Variants in PROSER1 observed in about 807,000 individuals in gnomAD.
PROSER1 encodes the protein proline and serine rich 1, also known as proline and serine-rich protein 1.
PROSER1 carries 36 observed loss-of-function variants against 71.8 expected under a neutral mutation model. The observed-to-expected ratio is 0.50, with a 90% confidence interval of 0.38 to 0.66. The LOEUF is 0.66. Among genes scored for constraint, PROSER1 ranks in the 30% least tolerant of loss-of-function variants. PROSER1 has a pLI of 0.00. For missense variants in PROSER1, 1,107 were observed against 1,135.0 expected, an observed-to-expected ratio of 0.98 and a Z score of 0.35; for synonymous variants, 490 against 452.4, an observed-to-expected ratio of 1.08 and a Z score of -1.06.
intron 10 of PROSER1, among the ~76,000 whole-genome samples, chr13:39,017,255 T>C (rs1240120833): frequency 1.3e-5 from 2 of 152,238 alleles, no homozygotes; most frequent in Non-Finnish European, 2.9e-5. Flanking sequence ...TACATTACAC[T>C]GCAAGTTTTG....
Position 39,021,110 on chromosome 13 carries a change from T to C in PROSER1, c.730+1216A>G, listed in dbSNP as rs190913572. Among the ~76,000 whole-genome samples the C allele has an allele frequency of 2.1e-3, 313 of 152,322 alleles. 3 individuals carry two copies. Among genetic ancestry groups the C allele is most frequent in the African/African-American group, 7.4e-3 (307 of 41,570 alleles). On this transcript the variant is annotated intron_variant, in intron 9 of 12. Coordinates refer to ENST00000352251, the MANE Select transcript of PROSER1 (RefSeq NM_025138.5). The stretch of plus-strand genomic sequence containing the variant: ...TAAATGGGGAGACAATCATGCCAAC[T>C]GGCCGTGGAACTTAGGCTACAGTGG...
chr13:39,035,436 C>A (rs1299510022), intron 1 of PROSER1, among the ~76,000 whole-genome samples: 1 of 152,154 alleles, frequency 6.6e-6, no homozygotes, highest in Admixed American at 6.6e-5. Flanking sequence ...TGATAGTTAA[C>A]CTCACAGAGA....
At position 39,010,005 on chromosome 13, in the gene PROSER1, T is replaced by C. The variant is rs1044299238; in HGVS notation, c.*1360A>G. The C allele has an allele frequency of 2.6e-5, 4 of 152,636 alleles. No homozygotes were observed. The highest frequency in any genetic ancestry group is 6.5e-5 in the Admixed American group (1 of 15,282). 9.5% of individuals were successfully genotyped at this position (152,636 alleles called of 1,614,324 possible). A position where few individuals can be genotyped will look rare whatever the true frequency, so the allele number is the denominator to read the frequency against. ...CTGTTCATATGTTGGTTATGACTTT[T>C]ACATTAAAATATCATTTAAACGAAT... is the stretch of plus-strand genomic sequence containing the variant. On this transcript the variant is annotated 3_prime_UTR_variant, in exon 13 of 13. Coordinates refer to ENST00000352251, the MANE Select transcript of PROSER1 (RefSeq NM_025138.5).
rs1440628301 is a variant in PROSER1, at chr13:39,037,856, G to A, written c.-614C>T. 6.6e-6 allele frequency: 1 copy of A among 152,566 alleles called. No homozygotes were observed. The highest frequency in any genetic ancestry group is 1.9e-4 in the East Asian group (1 of 5,216). The allele number at this position is 152,566 out of a possible 1,614,324, so 9.5% of individuals were successfully genotyped here. ...CAGCAGGCGGCCCGGCAGGCTCTTT[G>A]TTACCAGCTGCTGCAGCTTCCGGGA... is the stretch of plus-strand genomic sequence containing the variant. On this transcript the variant is annotated 5_prime_UTR_variant, in exon 1 of 13. Coordinates refer to ENST00000352251, the MANE Select transcript of PROSER1 (RefSeq NM_025138.5).
At chr13:39,016,707 G>A (rs964133245) in intron 10 of PROSER1, among the ~76,000 whole-genome samples, 1 of 152,110 alleles carries the variant, frequency 6.6e-6, no homozygotes, top group African/African-American at 2.4e-5. Flanking sequence ...GATGCCAGAG[G>A]CAGGATAAGA....
intron 11 of PROSER1, 81 bp downstream of exon 11, chr13:39,012,609 TC>T: frequency 8.7e-7 from 1 of 1,145,438 alleles, no homozygotes; most frequent in South Asian, 1.6e-5. Flanking sequence ...ATTTTGACAT[TC>T]ATTTTGATGA....
Position 39,013,160 on chromosome 13 carries a change from G to T in PROSER1, c.2092C>A (p.Pro698Thr). ...TPIAPVFTAL[P>T]SFTSLTNNFP... ...TTGTTGGTCAAAGAAGTAAAAGAAG[G>T]AAGAGCAGTGAATACTGGTGCAATG... The change falls in exon 11 of 13, where the codon CCT becomes ACT. Residue 698 changes from proline to threonine, a missense_variant. Physicochemically the swap from Pro to Thr is conservative, Grantham distance 38 (BLOSUM62 -1). Coordinates refer to ENST00000352251, the MANE Select transcript of PROSER1 (RefSeq NM_025138.5). 1 of 1,614,120 alleles carries T rather than the reference G, an allele frequency of 6.2e-7. No homozygotes were observed.
Position 39,028,244 on chromosome 13 carries a change from T to G in PROSER1, c.352A>C (p.Lys118Gln). 1 of 1,580,180 alleles carries G rather than the reference T, an allele frequency of 6.3e-7. No homozygotes were observed. The highest frequency in any genetic ancestry group is 2.2e-5 in the East Asian group (1 of 44,586). Residue 118 changes from lysine (K) to glutamine (Q), a missense_variant, in exon 5 of 13, where the codon AAG becomes CAG. By Grantham distance (53) the Lys-to-Gln change is moderately conservative. Transcript: ENST00000352251. ...RVNMSEKKRC[K>Q]RILEQAFKGG... ...AAAACTACCTGTTCAAGTATTCTCTTGCACCGTTTCTTCTCAGACATATTT... is the reference window on the plus strand; with the variant it reads ...AAAACTACCTGTTCAAGTATTCTCTGGCACCGTTTCTTCTCAGACATATTT...
intron 7 of PROSER1, 115 bp downstream of exon 7, chr13:39,024,358 C>T (rs1038693582): frequency 9.7e-6 from 7 of 719,056 alleles, no homozygotes; most frequent in East Asian, 2.7e-5. Flanking sequence ...CACTCTCCTA[C>T]AATTTCTAGA....
chr13:39,019,516 CAAAA>C lies in PROSER1; in HGVS notation c.731-1976_731-1973del, dbSNP rs1183602451. On this transcript the variant is annotated intron_variant, in intron 9 of 12. Transcript: ENST00000352251. ...GGGCAACAAGAGCAAAACTCTGTCT[CAAAA>C]AAAAAAAAAAAAAAAAAAAAGGGAG... is the stretch of plus-strand genomic sequence containing the variant. Among the ~76,000 whole-genome samples, 260 of 40,836 alleles carry C rather than the reference CAAAA, an allele frequency of 6.4e-3. 1 individual carries two copies. Among genetic ancestry groups the C allele is most frequent in the African/African-American group, 0.02 (246 of 12,296 alleles). The allele number at this position is 40,836 out of a possible 152,430, so 26.8% of individuals were successfully genotyped here. A position where few individuals can be genotyped will look rare whatever the true frequency, so the allele number is the denominator to read the frequency against.
intron 9 of PROSER1, among the ~76,000 whole-genome samples, chr13:39,018,564 C>T (rs1008300893): frequency 6.7e-6 from 1 of 148,810 alleles, no homozygotes; most frequent in Non-Finnish European, 1.5e-5. Context: ...AAATCTGATT[C>T]CAAATTAATA....
rs1869585402 is a variant in PROSER1, at chr13:39,010,381, C to G, written c.*984G>C. The G allele has an allele frequency of 6.6e-6, 1 of 152,570 alleles. No individual in the cohort carries two copies. The highest frequency in any genetic ancestry group is 1.5e-5 in the Non-Finnish European group (1 of 68,016). 9.5% of individuals were successfully genotyped at this position (152,570 alleles called of 1,614,324 possible). On this transcript the variant is annotated 3_prime_UTR_variant, in exon 13 of 13. Coordinates refer to ENST00000352251, the MANE Select transcript of PROSER1 (RefSeq NM_025138.5). Reference sequence around the variant, plus strand: ...TTCATTCTCCTTACTCCCCTACTTCCCACATGTGGCAGTTATTACTTCAAA... The same window carrying G: ...TTCATTCTCCTTACTCCCCTACTTCGCACATGTGGCAGTTATTACTTCAAA...
chr13:39,014,265 T>C lies in PROSER1; in HGVS notation c.987A>G (p.Pro329=). The change falls in exon 11 of 13, where the codon CCA becomes CCG. Residue 329 remains proline (P), a synonymous_variant. Coordinates refer to ENST00000352251, the MANE Select transcript of PROSER1 (RefSeq NM_025138.5). ...TGATAACTGTTGGGTTTGGTATTGA[T>C]GGCTGAGGTGTGTGAACGGCTGAGG... ...QVSSAVHTPQ[P]SIPNPTVIRT... 1 of 1,614,056 alleles carries C rather than the reference T, an allele frequency of 6.2e-7. No individual in the cohort carries two copies. The highest frequency in any genetic ancestry group is 8.5e-7 in the Non-Finnish European group (1 of 1,180,018).
chr13:39,026,446 A>G, intron 5 of PROSER1, 59 bp from the exon 6 acceptor site: 1 of 1,034,970 alleles, frequency 9.7e-7, no homozygotes, highest in Non-Finnish European at 1.5e-6. Context: ...AGTATTCTGA[A>G]CATTGGGAGC....
At chr13:39,031,525 T>A (rs996261803) in intron 3 of PROSER1, 38 bp downstream of exon 3, 11 of 1,438,152 alleles carry the variant, frequency 7.6e-6, no homozygotes, top group Non-Finnish European at 1.1e-5. Context: ...TAAAAATACT[T>A]AAATTCTACG....
intron 10 of PROSER1, among the ~76,000 whole-genome samples, chr13:39,016,865 G>A (rs187865103): frequency 1.4e-3 from 220 of 152,190 alleles, no homozygotes; most frequent in Non-Finnish European, 2.3e-3. Context: ...TACTACAATG[G>A]TCAGGCTATT....
chr13:39,031,599 G>A lies in PROSER1; in HGVS notation c.144C>T (p.Ala48=), dbSNP rs377602501. 203 of 1,612,754 alleles carry A rather than the reference G, an allele frequency of 1.3e-4. No homozygotes were observed. The highest frequency in any genetic ancestry group is 1.6e-4 in the Non-Finnish European group (192 of 1,179,540). ...VVDLLRYFSW[A]EPQLKAMKAL... Reference sequence around the variant, plus strand: ...CTTTCATTGCCTTCAACTGGGGCTCGGCCCAGGAAAAATATCTCAGCAAAT... The same window carrying A: ...CTTTCATTGCCTTCAACTGGGGCTCAGCCCAGGAAAAATATCTCAGCAAAT... The change falls in exon 3 of 13, where the codon GCC becomes GCT. Residue 48 remains alanine, a synonymous_variant. Transcript: ENST00000352251.
intron 1 of PROSER1, among the ~76,000 whole-genome samples, chr13:39,034,523 G>A (rs552351183): frequency 3.5e-4 from 54 of 152,278 alleles, no homozygotes; most frequent in Admixed American, 3.0e-3. Flanking sequence ...TGTAATTAAA[G>A]AGTTTCAAAA....
intron 10 of PROSER1, among the ~76,000 whole-genome samples, chr13:39,016,068 T>C (rs1869994953): frequency 6.6e-6 from 1 of 152,210 alleles, no homozygotes; most frequent in African/African-American, 2.4e-5. Context: ...TAGAGTATTA[T>C]TTATAGCAGC....
Sources: gnomAD v4.1 joint callset for allele counts (sites outside exome capture counted in the v4.1 genomes callset) on GRCh38, gnomAD v4.1.1 for gene constraint, MANE v1.5 for transcripts, NCBI Gene and HGNC (gene_info 2026-07-23, HGNC 2026-07-21) for gene names.